The following CACNA1D variants were observed in gnomAD, a reference collection of about 807,000 sequenced individuals.
The protein encoded by CACNA1D is voltage-dependent L-type calcium channel subunit alpha-1D.
A neutral mutation model predicts 257.1 loss-of-function variants in CACNA1D; 55 were observed. That is an observed-to-expected ratio of 0.21 (90% CI 0.17 to 0.27). CACNA1D has a LOEUF of 0.27. Among genes scored for constraint, CACNA1D ranks in the 10% least tolerant of loss-of-function variants. The probability of loss-of-function intolerance (pLI) is 1.00; values close to 1 mark genes in which losing one functional copy is unlikely to be tolerated. For missense variants in CACNA1D, 1,876 were observed against 2,784.0 expected (o/e 0.67, Z 7.34); for synonymous variants, 980 against 1,014.9 (o/e 0.97, Z 0.65).
chr3:53,804,826 C>T (rs577466324), intron 44 of CACNA1D, among the ~76,000 whole-genome samples, 157 bp from the exon 45 acceptor site: 2 of 152,344 alleles, frequency 1.3e-5, no homozygotes, highest in Admixed American at 1.3e-4. Context: ...TGGTCTCCAT[C>T]TGGAATCTTC....
In CACNA1D at chr3:53,718,686, T is replaced by C. The variant is rs1429846782; in HGVS notation, c.1478+298T>C. The C allele has an allele frequency of 3.2e-6, 5 of 1,554,850 alleles. No individual in the cohort carries two copies. Among genetic ancestry groups the C allele is most frequent in the Non-Finnish European group, 3.5e-6 (4 of 1,148,962 alleles). On this transcript the variant is annotated intron_variant, in intron 10 of 47. Coordinates refer to ENST00000350061, the MANE Select transcript of CACNA1D (RefSeq NM_001128840.3). ...GCCACCTGCTGTGTCCATTAGGTGC[T>C]GGTGGAGACGGAGAGGCGCGGCCAA...
In CACNA1D at chr3:53,744,843, C is replaced by T. The variant is rs1436881523; in HGVS notation, c.3006+16C>T. On this transcript the variant is annotated intron_variant, in intron 23 of 47. Transcript: ENST00000350061. ...AGGACTTAAGGTTTTGATTCCTCTC[C>T]TCCCGGCTGGGCTGGCTTGGGTTGG... 3 of 1,498,044 alleles carry T rather than the reference C, an allele frequency of 2.0e-6. No individual in the cohort carries two copies. Among genetic ancestry groups the T allele is most frequent in the South Asian group, 2.3e-5 (2 of 88,762 alleles). 92.8% of individuals were successfully genotyped at this position (1,498,044 alleles called of 1,614,324 possible).
intron 5 of CACNA1D, among the ~76,000 whole-genome samples, chr3:53,661,185 A>G (rs917439814): frequency 1.3e-4 from 20 of 152,196 alleles, no homozygotes; most frequent in African/African-American, 4.8e-4. Context: ...GCGTCTGAGC[A>G]AGAATATGGG....
At chr3:53,569,584 A>G (rs1248221734) in intron 3 of CACNA1D, among the ~76,000 whole-genome samples, 2 of 152,124 alleles carry the variant, frequency 1.3e-5, no homozygotes, top group Non-Finnish European at 1.5e-5. Flanking sequence ...AACTCTCCCT[A>G]CTAGTATTAG....
chr3:53,691,914 AAT>A (rs2094532728), intron 8 of CACNA1D, among the ~76,000 whole-genome samples: 3 of 50,316 alleles, frequency 6.0e-5, no homozygotes, highest in South Asian at 1.1e-3. Context: ...TATTATATAT[AAT>A]ATATATTATA....
Position 53,604,130 on chromosome 3 carries a change from G to T in CACNA1D, c.484-46649G>T, listed in dbSNP as rs9853512. Among the ~76,000 whole-genome samples, 333 of 152,332 alleles carry T rather than the reference G, an allele frequency of 2.2e-3. 2 individuals carry two copies. Among genetic ancestry groups the T allele is most frequent in the African/African-American group, 7.7e-3 (318 of 41,562 alleles). ...GAGTATGGCTCTATTTCTTATTGAG[G>T]TCAGTTTTCACTGGCTGACTGATTC... is the stretch of plus-strand genomic sequence containing the variant. On this transcript the variant is annotated intron_variant, in intron 3 of 47. Transcript: ENST00000350061.
chr3:53,554,040 C>CA (rs2092590918), intron 3 of CACNA1D, among the ~76,000 whole-genome samples: 1 of 151,590 alleles, frequency 6.6e-6, no homozygotes, highest in Non-Finnish European at 1.5e-5. Context: ...ACTAAAAATA[C>CA]AAAAAATTAG....
intron 15 of CACNA1D, among the ~76,000 whole-genome samples, chr3:53,729,523 A>G (rs1033134738): frequency 2.0e-5 from 3 of 152,212 alleles, no homozygotes; most frequent in Admixed American, 6.5e-5. Flanking sequence ...TTGCCCTCTC[A>G]TCCCTGTGCT....
chr3:53,607,923 A>G (rs931633007), intron 3 of CACNA1D, among the ~76,000 whole-genome samples: 18 of 152,166 alleles, frequency 1.2e-4, no homozygotes, highest in African/African-American at 4.1e-4. Context: ...GTCTTGATTA[A>G]TGTAGCTTTA....
At chr3:53,722,642 C>T (rs775196788) in intron 12 of CACNA1D, among the ~76,000 whole-genome samples, 168 bp downstream of exon 12, 2 of 152,224 alleles carry the variant, frequency 1.3e-5, no homozygotes, top group Non-Finnish European at 2.9e-5. Context: ...GCGAGGGTGC[C>T]ATCTGTGCCG....
At chr3:53,734,366 T>C (rs2095035982) in intron 19 of CACNA1D, among the ~76,000 whole-genome samples, 1 of 151,968 alleles carries the variant, frequency 6.6e-6, no homozygotes, top group South Asian at 2.1e-4. Context: ...TATACATACA[T>C]ATTTTAGATA....
intron 9 of CACNA1D, among the ~76,000 whole-genome samples, chr3:53,705,362 A>G (rs991444729): frequency 6.6e-6 from 1 of 152,184 alleles, no homozygotes; most frequent in African/African-American, 2.4e-5. Flanking sequence ...GCTCAGTAAT[A>G]TAATCTAGGA....
intron 3 of CACNA1D, among the ~76,000 whole-genome samples, chr3:53,608,219 T>C (rs2093538015): frequency 6.6e-6 from 1 of 152,232 alleles, no homozygotes; most frequent in Non-Finnish European, 1.5e-5. Flanking sequence ...TGCATAATTT[T>C]CTAAATGCAT....
chr3:53,549,858 T>G (rs1376509797), intron 3 of CACNA1D, among the ~76,000 whole-genome samples: 1 of 152,234 alleles, frequency 6.6e-6, no homozygotes, highest in Non-Finnish European at 1.5e-5. Flanking sequence ...GTTCTTATAC[T>G]GCCTGTTCAC....
At position 53,735,362 on chromosome 3, in the gene CACNA1D, T is replaced by C. The variant is rs1391020512; in HGVS notation, c.2622-12T>C. ...TCTGGGACTGTTTCCAAGCAGCGGC[T>C]TTTCCCTGCAGGATCCGCGTAGGCT... On this transcript the variant is annotated splice_polypyrimidine_tract_variant and intron_variant, in intron 19 of 47. Coordinates refer to ENST00000350061, the MANE Select transcript of CACNA1D (RefSeq NM_001128840.3). 1 of 1,613,522 alleles carries C rather than the reference T, an allele frequency of 6.2e-7. No individual in the cohort carries two copies. The highest frequency in any genetic ancestry group is 8.5e-7 in the Non-Finnish European group (1 of 1,179,468).
At chr3:53,589,524 G>A (rs557450111) in intron 3 of CACNA1D, among the ~76,000 whole-genome samples, 11 of 152,278 alleles carry the variant, frequency 7.2e-5, no homozygotes, top group Admixed American at 5.2e-4. Context: ...ACCCCTTGCC[G>A]ACTCTTCAGG....
At chr3:53,541,730 C>T (rs528059738) in intron 3 of CACNA1D, among the ~76,000 whole-genome samples, 6 of 152,152 alleles carry the variant, frequency 3.9e-5, no homozygotes, top group Admixed American at 2.6e-4. Flanking sequence ...TAGTGAACAC[C>T]GTGAGGAAGG....
chr3:53,678,378 C>A (rs558348753), intron 8 of CACNA1D, among the ~76,000 whole-genome samples: 2 of 152,154 alleles, frequency 1.3e-5, no homozygotes, highest in South Asian at 4.1e-4. Context: ...TGAATGTAAA[C>A]CCAGCCCAGG....
chr3:53,753,241 A>G (rs1258328007), intron 28 of CACNA1D, among the ~76,000 whole-genome samples: 2 of 152,240 alleles, frequency 1.3e-5, no homozygotes, highest in African/African-American at 2.4e-5. Flanking sequence ...ACCTCTATTC[A>G]TAGACATTTT....
Sources: allele counts gnomAD v4.1 joint callset (sites outside exome capture counted in the v4.1 genomes callset), GRCh38; gene constraint gnomAD v4.1.1; transcripts MANE v1.5; gene names NCBI Gene and HGNC (gene_info 2026-07-23, HGNC 2026-07-21).